EDN1: variants seen among roughly 807,000 people sequenced by gnomAD.
EDN1 encodes the protein endothelin-1.
Under a neutral mutation model 21.7 loss-of-function variants are expected in EDN1, and 11 were observed. The ratio of observed to expected loss-of-function variants is 0.51; its 90% CI spans 0.32 to 0.84. The LOEUF is 0.84. Among genes scored for constraint, EDN1 ranks in the 40% least tolerant of loss-of-function variants. The pLI, the probability that EDN1 is intolerant of heterozygous loss-of-function variation, is 0.03. For synonymous variants in EDN1, 85 were observed against 90.6 expected, an observed-to-expected ratio of 0.94 and a Z score of 0.35; for missense variants, 244 against 262.3, an observed-to-expected ratio of 0.93 and a Z score of 0.48.
chr6:12,258,449 C>CAA, the EDN1 span, among the ~76,000 whole-genome samples: 494 of 63,352 alleles, frequency 7.8e-3, 24 homozygotes, highest in African/African-American at 0.019. Context: ...GATCATGTCT[C>CAA]AAAAAAAAAA....
At chr6:12,259,012 T>C in the EDN1 span, among the ~76,000 whole-genome samples, 7 of 152,238 alleles carry the variant, frequency 4.6e-5, no homozygotes, top group African/African-American at 1.4e-4. Flanking sequence ...TAATTCATAA[T>C]ATAATTATGA....
At chr6:12,277,918 C>T in the EDN1 span, among the ~76,000 whole-genome samples, 2 of 152,204 alleles carry the variant, frequency 1.3e-5, no homozygotes, top group Non-Finnish European at 2.9e-5. Flanking sequence ...GGGATTAAGG[C>T]ATCATTTGTA....
At chr6:12,249,169 A>G in the EDN1 span, among the ~76,000 whole-genome samples, 1 of 152,164 alleles carries the variant, frequency 6.6e-6, no homozygotes, top group Non-Finnish European at 1.5e-5. Context: ...TTCAGCTCAT[A>G]TCAATGCTGC....
At chr6:12,260,835 T>C in the EDN1 span, among the ~76,000 whole-genome samples, 2 of 152,180 alleles carry the variant, frequency 1.3e-5, no homozygotes, top group Non-Finnish European at 2.9e-5. Context: ...AACCTAGATC[T>C]TTTTGCACCA....
At chr6:12,279,404 G>C in the EDN1 span, among the ~76,000 whole-genome samples, 1 of 152,290 alleles carries the variant, frequency 6.6e-6, no homozygotes, top group South Asian at 2.1e-4. Flanking sequence ...GCTGGTGTGA[G>C]GGCTGGGTCT....
At chr6:12,261,265 T>C in the EDN1 span, among the ~76,000 whole-genome samples, 1 of 152,098 alleles carries the variant, frequency 6.6e-6, no homozygotes, top group Non-Finnish European at 1.5e-5. Flanking sequence ...AAAACTGAAG[T>C]ATAATAAGAG....
chr6:12,287,688 C>CCT (rs757039157), upstream of EDN1, among the ~76,000 whole-genome samples: 3,145 of 112,182 alleles, frequency 0.028, 68 homozygotes, highest in South Asian at 0.12. Context: ...TCTCTCTCTC[C>CCT]CTCTCTCTCT....
At chr6:12,261,500 T>A in the EDN1 span, among the ~76,000 whole-genome samples, 6 of 152,236 alleles carry the variant, frequency 3.9e-5, no homozygotes, top group Admixed American at 2.6e-4. Context: ...TCCCAAGCAA[T>A]GAGAAAGAGG....
At chr6:12,254,340 C>T in the EDN1 span, among the ~76,000 whole-genome samples, 1 of 152,186 alleles carries the variant, frequency 6.6e-6, no homozygotes, top group Admixed American at 6.5e-5. Flanking sequence ...TGAGTTTAGA[C>T]ACCACTTCTC....
At chr6:12,284,662 AAAAG>A in the EDN1 span, among the ~76,000 whole-genome samples, 1 of 139,832 alleles carries the variant, frequency 7.2e-6, no homozygotes, top group African/African-American at 2.9e-5. Context: ...GGGAGAAAGA[AAAAG>A]AGAGAAAGAA....
chr6:12,288,314 G>C (rs182611627), upstream of EDN1, among the ~76,000 whole-genome samples: 2 of 152,302 alleles, frequency 1.3e-5, no homozygotes, highest in African/African-American at 2.4e-5. Context: ...GGAGTGTTGG[G>C]GGGGAGGCGC....
the EDN1 span, among the ~76,000 whole-genome samples, chr6:12,246,128 C>T: frequency 1.3e-5 from 2 of 152,178 alleles, no homozygotes; most frequent in Non-Finnish European, 2.9e-5. Flanking sequence ...ATGCTCTCAG[C>T]CTCTTCCTTT....
At chr6:12,233,103 T>C in the EDN1 span, among the ~76,000 whole-genome samples, 2 of 152,218 alleles carry the variant, frequency 1.3e-5, no homozygotes, top group Non-Finnish European at 2.9e-5. Flanking sequence ...TTTGTTTTCC[T>C]TTACAGGGGT....
At chr6:12,233,253 G>A in the EDN1 span, among the ~76,000 whole-genome samples, 1 of 152,240 alleles carries the variant, frequency 6.6e-6, no homozygotes, top group Non-Finnish European at 1.5e-5. Flanking sequence ...CATTTTGCTT[G>A]TTTTCATCAG....
At chr6:12,258,448 T>TAAA in the EDN1 span, among the ~76,000 whole-genome samples, 8 of 27,746 alleles carry the variant, frequency 2.9e-4, no homozygotes, top group South Asian at 5.2e-3. Flanking sequence ...AGATCATGTC[T>TAAA]CAAAAAAAAA....
the EDN1 span, among the ~76,000 whole-genome samples, chr6:12,253,474 T>C: frequency 6.6e-6 from 1 of 151,872 alleles, no homozygotes; most frequent in Non-Finnish European, 1.5e-5. Flanking sequence ...ATACCTCAAG[T>C]CTTAATAGCA....
chr6:12,296,055 A>G lies in EDN1; in HGVS notation c.627A>G (p.Arg209=). ...GAGAGCGTTATGTGACCCACAACCGAGCACATTGGTGACAGACCTTCGGGG... is the reference window on the plus strand; with the variant it reads ...GAGAGCGTTATGTGACCCACAACCGGGCACATTGGTGACAGACCTTCGGGG... ...PSRERYVTHN[R]AHW Residue 209 remains arginine (R), a synonymous_variant, in exon 5 of 5, where the codon CGA becomes CGG. Transcript: ENST00000379375. 1.2e-6 allele frequency: 2 copies of G among 1,614,004 alleles called. No individual in the cohort carries two copies. The highest frequency in any genetic ancestry group is 1.7e-6 in the Non-Finnish European group (2 of 1,179,926).
the EDN1 span, among the ~76,000 whole-genome samples, chr6:12,276,954 T>C: frequency 6.6e-6 from 1 of 152,236 alleles, no homozygotes. Flanking sequence ...TTTGTTTGCT[T>C]TTTTTGGACA....
chr6:12,270,726 G>A, the EDN1 span, among the ~76,000 whole-genome samples: 2 of 152,288 alleles, frequency 1.3e-5, no homozygotes, highest in South Asian at 4.1e-4. Context: ...TTCATGTGCT[G>A]TTGCGAAGAA....
Sources: allele counts gnomAD v4.1 joint callset (sites outside exome capture counted in the v4.1 genomes callset), GRCh38; gene constraint gnomAD v4.1.1; transcripts MANE v1.5; gene names NCBI Gene and HGNC (gene_info 2026-07-23, HGNC 2026-07-21).